The following PKD1L1 variants were observed in gnomAD, a reference collection of about 807,000 sequenced individuals.
PKD1L1 encodes polycystin-1-like protein 1.
In PKD1L1, 236 loss-of-function variants were observed where a neutral mutation model predicts 323.4. The ratio of observed to expected loss-of-function variants is 0.73; its 90% confidence interval spans 0.66 to 0.81. PKD1L1 has a LOEUF of 0.81. PKD1L1 is among the 40% of genes least tolerant of loss of function. PKD1L1 has a pLI of 0.00. For missense variants in PKD1L1, 3,320 were observed against 3,508.0 expected, an observed-to-expected ratio of 0.95 and a Z score of 1.35; for synonymous variants, 1,344 against 1,335.0, an observed-to-expected ratio of 1.01 and a Z score of -0.15.
Position 47,881,950 on chromosome 7 carries a change from G to C in PKD1L1, c.3401C>G (p.Ala1134Gly), listed in dbSNP as rs779221855. 6.2e-7 allele frequency: 1 copy of C among 1,613,466 alleles called. No individual in the cohort carries two copies. Among genetic ancestry groups the C allele is most frequent in the South Asian group, 1.1e-5 (1 of 90,992 alleles). ...EPVLMIDWPK[A>G]LLGRAVFQGY... Reference sequence around the variant, plus strand: ...TTGGAAAACTGCTCGACCCAGCAGGGCCTTGGGCCAGTCAATCATGAGGAC... The same window carrying C: ...TTGGAAAACTGCTCGACCCAGCAGGCCCTTGGGCCAGTCAATCATGAGGAC... Residue 1134 changes from alanine to glycine, a missense_variant, in exon 20 of 57, where the codon GCC (alanine) becomes GGC (glycine). Ala to Gly is a moderately conservative substitution (Grantham distance 60). Coordinates refer to ENST00000289672, the MANE Select transcript of PKD1L1 (RefSeq NM_138295.5).
intron 50 of PKD1L1, among the ~76,000 whole-genome samples, chr7:47,811,145 T>A (rs2128729203): frequency 7.0e-6 from 1 of 142,006 alleles, no homozygotes; most frequent in South Asian, 2.3e-4. Context: ...GGGAAGTAAA[T>A]GTCTCCTTCT....
chr7:47,923,458 C>T (rs1305232084), intron 7 of PKD1L1, among the ~76,000 whole-genome samples: 1 of 151,488 alleles, frequency 6.6e-6, no homozygotes, highest in Non-Finnish European at 1.5e-5. Flanking sequence ...GTGATGGTTG[C>T]ACCAAAATCT....
At chr7:47,835,060 T>C (rs778544545) in intron 38 of PKD1L1, 21 bp from the exon 39 acceptor site, 1 of 1,613,110 alleles carries the variant, frequency 6.2e-7, no homozygotes, top group Non-Finnish European at 8.5e-7. Flanking sequence ...AAAGAGGTGG[T>C]TCGCCAAGCG....
intron 56 of PKD1L1, among the ~76,000 whole-genome samples, chr7:47,789,568 G>A: frequency 6.6e-6 from 1 of 152,092 alleles, no homozygotes; most frequent in East Asian, 1.9e-4. Context: ...GTGTGTCTGT[G>A]TGTATATTTG....
At chr7:47,938,182 C>T (rs1362195390) in intron 3 of PKD1L1, among the ~76,000 whole-genome samples, 1 of 152,146 alleles carries the variant, frequency 6.6e-6, no homozygotes, top group Non-Finnish European at 1.5e-5. Flanking sequence ...CCAGCCCCTC[C>T]CTGGGATGTG....
intron 31 of PKD1L1, among the ~76,000 whole-genome samples, chr7:47,852,504 C>A (rs1009417105): frequency 2.6e-5 from 4 of 152,192 alleles, no homozygotes; most frequent in Non-Finnish European, 5.9e-5. Context: ...CTCTCCAGGG[C>A]CAGGGCCTGT....
rs1785472364 is a variant in PKD1L1 at position 47,837,010 on chromosome 7, G to C, written c.5854C>G (p.Leu1952Val). ...GACACGGTGAGGCGCGGCGTGTGCA[G>C]GTAGCGGCTGGAGGAGGGCCTGCTG... Reference protein sequence around the residue: ...VYSRPSSSRYLHTPRLTVSFS... With the variant: ...VYSRPSSSRYVHTPRLTVSFS... Residue 1952 changes from leucine (L) to valine (V), a missense_variant, in exon 37 of 57, where the codon CTG (leucine) becomes GTG (valine). Transcript: ENST00000289672. 6.2e-7 allele frequency: 1 copy of C among 1,614,048 alleles called. No individual in the cohort carries two copies. Among genetic ancestry groups the C allele is most frequent in the Admixed American group, 1.7e-5 (1 of 60,012 alleles).
intron 3 of PKD1L1, among the ~76,000 whole-genome samples, chr7:47,938,912 G>A (rs927800556): frequency 5.3e-5 from 8 of 152,146 alleles, no homozygotes; most frequent in Non-Finnish European, 8.8e-5. Context: ...TGACTTTTAA[G>A]CTCCCTAGGT....
At chr7:47,877,467 A>C in intron 22 of PKD1L1, 22 bp downstream of exon 22, 1 of 1,612,484 alleles carries the variant, frequency 6.2e-7, no homozygotes, top group Non-Finnish European at 8.5e-7. Context: ...CTCTCAGGAC[A>C]GACATGGGGT....
intron 6 of PKD1L1, among the ~76,000 whole-genome samples, chr7:47,930,299 A>G (rs925298351): frequency 4.0e-5 from 6 of 151,492 alleles, no homozygotes; most frequent in Non-Finnish European, 8.8e-5. Context: ...GGGTCAGGAG[A>G]TCGAGACCAT....
chr7:47,894,617 G>C (rs552120674), intron 14 of PKD1L1, among the ~76,000 whole-genome samples: 40 of 152,344 alleles, frequency 2.6e-4, no homozygotes, highest in Middle Eastern at 6.8e-3. Flanking sequence ...TTGGGAGGCT[G>C]AGGTGGGTGG....
At chr7:47,796,292 G>A in intron 54 of PKD1L1, 142 bp from the exon 55 acceptor site, 1 of 797,684 alleles carries the variant, frequency 1.3e-6, no homozygotes, top group Non-Finnish European at 1.9e-6. Context: ...ATTTCTTGGT[G>A]AAAAAAAGCA....
chr7:47,824,572 A>G (rs1007598021), intron 45 of PKD1L1, among the ~76,000 whole-genome samples: 1 of 152,206 alleles, frequency 6.6e-6, no homozygotes, highest in Non-Finnish European at 1.5e-5. Flanking sequence ...ATTTAAAAAA[A>G]TCTTATTCCT....
Position 47,774,828 on chromosome 7 carries a change from G to C in PKD1L1, c.*315C>G, listed in dbSNP as rs1468789057. ...GGCTTTTAATACTCAGACAGATTCA[G>C]TAAAACAAACAAATAAGACAATATG... On this transcript the variant is annotated 3_prime_UTR_variant, in exon 57 of 57. Coordinates refer to ENST00000289672, the MANE Select transcript of PKD1L1 (RefSeq NM_138295.5). The C allele has an allele frequency of 4.0e-6, 1 of 248,818 alleles. No individual in the cohort carries two copies. The highest frequency in any genetic ancestry group is 2.2e-5 in the African/African-American group (1 of 44,728). 15.4% of individuals were successfully genotyped at this position (248,818 alleles called of 1,614,324 possible). A position where few individuals can be genotyped will look rare whatever the true frequency, so the allele number is the denominator to read the frequency against.
chr7:47,816,286 T>G (rs1009161095), intron 46 of PKD1L1, among the ~76,000 whole-genome samples: 1 of 152,230 alleles, frequency 6.6e-6, no homozygotes, highest in African/African-American at 2.4e-5. Flanking sequence ...TTTATAGATA[T>G]GCTTCATTTT....
At chr7:47,918,111 C>T (rs572519418) in intron 7 of PKD1L1, among the ~76,000 whole-genome samples, 4 of 152,150 alleles carry the variant, frequency 2.6e-5, no homozygotes, top group South Asian at 2.1e-4. Context: ...CATAAGGACT[C>T]GCACAGACTT....
rs769553734 is a variant in PKD1L1 at position 47,881,972 on chromosome 7, G to A, written c.3379C>T (p.Leu1127Phe). ...SLSAGRAEPV[L>F]MIDWPKALLG... ...AGGGCCTTGGGCCAGTCAATCATGA[G>A]GACAGGCTCGGCTCTGCCTGCAGAC... Residue 1127 changes from leucine to phenylalanine, a missense_variant, in exon 20 of 57, where the codon CTC (leucine) becomes TTC (phenylalanine). By Grantham distance (22) the Leu-to-Phe change is conservative (BLOSUM62 0). Coordinates refer to ENST00000289672, the MANE Select transcript of PKD1L1 (RefSeq NM_138295.5). 1 of 1,613,998 alleles carries A rather than the reference G, an allele frequency of 6.2e-7. No homozygotes were observed. The highest frequency in any genetic ancestry group is 1.1e-5 in the South Asian group (1 of 91,062).
At chr7:47,921,854 A>G (rs922159802) in intron 7 of PKD1L1, among the ~76,000 whole-genome samples, 1 of 152,072 alleles carries the variant, frequency 6.6e-6, no homozygotes, top group Non-Finnish European at 1.5e-5. Context: ...ATGCTAAGGC[A>G]TAAGAATGAC....
chr7:47,949,092 T>A (rs1379538297), upstream of PKD1L1, among the ~76,000 whole-genome samples: 1 of 151,808 alleles, frequency 6.6e-6, no homozygotes, highest in Non-Finnish European at 1.5e-5. Flanking sequence ...AACTGTTGGC[T>A]GGGCGCGGTG....
Sources: gnomAD v4.1 joint callset for allele counts (sites outside exome capture counted in the v4.1 genomes callset) on GRCh38, gnomAD v4.1.1 for gene constraint, MANE v1.5 for transcripts, NCBI Gene and HGNC (gene_info 2026-07-23, HGNC 2026-07-21) for gene names.